Variants in AGAP3 observed in about 807,000 individuals in gnomAD.
The protein encoded by AGAP3 is arf-GAP with GTPase, ANK repeat and PH domain-containing protein 3.
Under a neutral mutation model 96.9 loss-of-function variants are expected in AGAP3, and 24 were observed. The observed-to-expected ratio is 0.25, with a 90% CI of 0.18 to 0.35. AGAP3 has a LOEUF of 0.35. Ranked by LOEUF, AGAP3 falls within the 10% of genes least tolerant of loss-of-function variation. AGAP3 has a pLI of 1.00. For missense variants in AGAP3, 876 were observed against 1,254.2 expected, an observed-to-expected ratio of 0.70 and a Z score of 4.55; for synonymous variants, 563 against 536.1, an observed-to-expected ratio of 1.05 and a Z score of -0.69.
intron 1 of AGAP3, among the ~76,000 whole-genome samples, chr7:151,107,744 G>A (rs537984348): frequency 1.3e-5 from 2 of 152,354 alleles, no homozygotes; most frequent in Non-Finnish European, 2.9e-5. Flanking sequence ...GGTTGGAAGA[G>A]GCAGAACTCT....
chr7:151,099,935 C>T (rs142675315), intron 1 of AGAP3, among the ~76,000 whole-genome samples: 4 of 152,326 alleles, frequency 2.6e-5, no homozygotes, highest in East Asian at 1.9e-4. Flanking sequence ...CCTGTCTCTC[C>T]GCCCACTTCC....
At chr7:151,125,036 C>T (rs920062703) in intron 9 of AGAP3, among the ~76,000 whole-genome samples, 7 of 152,194 alleles carry the variant, frequency 4.6e-5, no homozygotes, top group Admixed American at 2.6e-4. Context: ...TCGCGGAGTG[C>T]GTGTGTATGT....
rs1169091550 is a variant in AGAP3 at position 151,096,093 on chromosome 7, C to T, written c.331+9021C>T. On this transcript the variant is annotated intron_variant, in intron 1 of 17. Coordinates refer to ENST00000397238, the MANE Select transcript of AGAP3 (RefSeq NM_031946.7). The surrounding 1 kb of genome is among the most constrained non-coding windows in gnomAD (Gnocchi z 4.4). ...CATGGTGTGGGCGTGAGAAGCAAATCAGTTAACGTCTGCAGAGCTTTTAGA... is the reference window on the plus strand; with the variant it reads ...CATGGTGTGGGCGTGAGAAGCAAATTAGTTAACGTCTGCAGAGCTTTTAGA... Among the ~76,000 whole-genome samples the T allele has an allele frequency of 6.6e-6, 1 of 152,230 alleles. No homozygotes were observed. The highest frequency in any genetic ancestry group is 1.5e-5 in the Non-Finnish European group (1 of 68,054).
At chr7:151,107,443 G>A (rs1799103085) in intron 1 of AGAP3, among the ~76,000 whole-genome samples, 1 of 152,054 alleles carries the variant, frequency 6.6e-6, no homozygotes, top group African/African-American at 2.4e-5. Flanking sequence ...TGGGCAACAT[G>A]GTGAAAGCGG....
chr7:151,138,098 C>T (rs1295866874), intron 11 of AGAP3, 45 bp from the exon 12 acceptor site: 6 of 1,425,374 alleles, frequency 4.2e-6, no homozygotes, highest in East Asian at 2.5e-5. Flanking sequence ...TGAGAATCCT[C>T]CCCTGCCCGG....
At chr7:151,088,234 C>T (rs6464126) in intron 1 of AGAP3, among the ~76,000 whole-genome samples, 61,509 of 152,116 alleles carry the variant, frequency 0.4, 13,628 homozygotes, top group East Asian at 0.58. Flanking sequence ...GGAAGAAGTA[C>T]TGGGTCTGGG....
rs889245871 is a variant in AGAP3 at position 151,114,111 on chromosome 7, T to A, written c.332-2682T>A. ...ACAGATGAGTATCTTCTGGATTTTA[T>A]AATCTCCAAAGAAGACAGCCTCAGT... On this transcript the variant is annotated intron_variant, in intron 1 of 17. Transcript: ENST00000397238. The surrounding 1 kb of genome is among the most constrained non-coding windows in gnomAD (Gnocchi z 4.4). 6.6e-6 allele frequency among the ~76,000 whole-genome samples: 1 copy of A among 152,216 alleles called. No individual in the cohort carries two copies. The highest frequency in any genetic ancestry group is 1.5e-5 in the Non-Finnish European group (1 of 68,044).
intron 8 of AGAP3, chr7:151,122,764 C>T: frequency 6.2e-7 from 1 of 1,613,902 alleles, no homozygotes; most frequent in Non-Finnish European, 8.5e-7. Context: ...AACAAAAAGG[C>T]CTTTCCAACT....
Position 151,140,951 on chromosome 7 carries a change from C to T in AGAP3, c.1804+835C>T, listed in dbSNP as rs79090380. On this transcript the variant is annotated intron_variant, in intron 13 of 17. Transcript: ENST00000397238. This position sits in a 1 kb window ranked among gnomAD's most constrained non-coding sequence, Gnocchi z 5.4. ...GTGGGAAGGCAGTTCTGCTAACAGTCCCTGAGAGCAAGGGCCCAGCAGAGG... is the reference window on the plus strand; with the variant it reads ...GTGGGAAGGCAGTTCTGCTAACAGTTCCTGAGAGCAAGGGCCCAGCAGAGG... 0.015 allele frequency: 2,342 copies of T among 152,330 alleles called. 69 individuals are homozygous for T. The highest frequency in any genetic ancestry group is 0.054 in the African/African-American group (2,235 of 41,518). 9.4% of individuals were successfully genotyped at this position (152,330 alleles called of 1,614,324 possible). A position where few individuals can be genotyped will look rare whatever the true frequency, so the allele number is the denominator to read the frequency against.
Position 151,117,465 on chromosome 7 carries a change from C to G in AGAP3, c.564+9C>G, listed in dbSNP as rs1563473585. ...GCCCCCCTGAGCTCCAGGTGATGCT[C>G]CTGCCCAGGGTTAGGGCCCACCGCT... is the stretch of plus-strand genomic sequence containing the variant. On this transcript the variant is annotated intron_variant, in intron 4 of 17. Coordinates refer to ENST00000397238, the MANE Select transcript of AGAP3 (RefSeq NM_031946.7). 2 of 1,614,132 alleles carry G rather than the reference C, an allele frequency of 1.2e-6. No homozygotes were observed. Among genetic ancestry groups the G allele is most frequent in the Non-Finnish European group, 1.7e-6 (2 of 1,179,976 alleles).
chr7:151,098,830 T>G (rs1247540002), intron 1 of AGAP3, among the ~76,000 whole-genome samples: 1 of 149,804 alleles, frequency 6.7e-6, no homozygotes, highest in Admixed American at 6.6e-5. Flanking sequence ...ACCTCCTTGG[T>G]TCAATCAATT....
intron 1 of AGAP3, among the ~76,000 whole-genome samples, chr7:151,110,364 G>A (rs543581095): frequency 3.2e-4 from 48 of 152,342 alleles, no homozygotes; most frequent in Non-Finnish European, 6.3e-4. Flanking sequence ...AGCCTCCCAA[G>A]GAAGGGATGC....
rs368600470 is a variant in AGAP3 at position 151,116,833 on chromosome 7, C to G, written c.372C>G (p.Ser124=). The change falls in exon 2 of 18, where the codon TCC becomes TCG. Residue 124 remains serine (S), a synonymous_variant. Coordinates refer to ENST00000397238, the MANE Select transcript of AGAP3 (RefSeq NM_031946.7). ...VNSQEWTLSR[S]VPELKVGIVG... is the part of the protein sequence containing the mutation. ...GCCAGGAGTGGACGCTGAGCCGCTC[C>G]GTACCGGAGCTTAAAGTGGTGAGTG... 2 of 1,614,078 alleles carry G rather than the reference C, an allele frequency of 1.2e-6. No individual in the cohort carries two copies. The highest frequency in any genetic ancestry group is 1.7e-6 in the Non-Finnish European group (2 of 1,180,004).
Position 151,144,044 on chromosome 7 carries a change from A to T in AGAP3, c.*101A>T. On this transcript the variant is annotated 3_prime_UTR_variant, in exon 18 of 18. Coordinates refer to ENST00000397238, the MANE Select transcript of AGAP3 (RefSeq NM_031946.7). ...CAGACACAGAGATGGAGAAGCAGGGACATGCTGAGAGGACGAAGCCAAGGA... is the reference window on the plus strand; with the variant it reads ...CAGACACAGAGATGGAGAAGCAGGGTCATGCTGAGAGGACGAAGCCAAGGA... 1 of 1,290,142 alleles carries T rather than the reference A, an allele frequency of 7.8e-7. No individual in the cohort carries two copies. The highest frequency in any genetic ancestry group is 1.1e-6 in the Non-Finnish European group (1 of 930,364). 79.9% of individuals were successfully genotyped at this position (1,290,142 alleles called of 1,614,324 possible).
At position 151,133,555 on chromosome 7, in the gene AGAP3, G is replaced by C. The variant is rs1447709935; in HGVS notation, c.1327-845G>C. 6.6e-6 allele frequency among the ~76,000 whole-genome samples: 1 copy of C among 152,174 alleles called. No homozygotes were observed. On this transcript the variant is annotated intron_variant, in intron 10 of 17. Coordinates refer to ENST00000397238, the MANE Select transcript of AGAP3 (RefSeq NM_031946.7). This position sits in a 1 kb window ranked among gnomAD's most constrained non-coding sequence, Gnocchi z 5.4. ...TGAGTCCCGGGCCCAGGACAGGCTGGAGGAAGCCTGCACACAGGGCACAGG... is the reference window on the plus strand; with the variant it reads ...TGAGTCCCGGGCCCAGGACAGGCTGCAGGAAGCCTGCACACAGGGCACAGG...
intron 1 of AGAP3, among the ~76,000 whole-genome samples, chr7:151,091,434 T>C (rs1798395487): frequency 6.6e-6 from 1 of 152,228 alleles, no homozygotes; most frequent in Admixed American, 6.5e-5. Flanking sequence ...GATACATTCA[T>C]TTAGCTCCTA....
intron 1 of AGAP3, among the ~76,000 whole-genome samples, chr7:151,103,258 A>G (rs553779992): frequency 2.6e-5 from 4 of 152,350 alleles, no homozygotes; most frequent in Admixed American, 2.6e-4. Context: ...CAAATCGTGG[A>G]GACAGGACCT....
intron 9 of AGAP3, among the ~76,000 whole-genome samples, chr7:151,126,323 C>T (rs1447499202): frequency 6.6e-6 from 1 of 151,378 alleles, no homozygotes; most frequent in East Asian, 2.0e-4. Flanking sequence ...TGAGGGGCTC[C>T]ACCTTCCAGG....
rs1800046939 is a variant in AGAP3 at position 151,124,001 on chromosome 7, C to T, written c.1221+115C>T. On this transcript the variant is annotated intron_variant, in intron 9 of 17. Coordinates refer to ENST00000397238, the MANE Select transcript of AGAP3 (RefSeq NM_031946.7). ...TGGGGGAGATGGCATCAGAGGCCAG[C>T]ACCACCCTCCTAGGCGGAGTCCTTA... 5 of 1,052,946 alleles carry T rather than the reference C, an allele frequency of 4.7e-6. No individual in the cohort carries two copies. The Admixed American group carries it at 8.6e-5, about 18-fold the overall frequency. 65.2% of individuals were successfully genotyped at this position (1,052,946 alleles called of 1,614,324 possible).
Sources: gnomAD v4.1 joint callset for allele counts (sites outside exome capture counted in the v4.1 genomes callset) on GRCh38, gnomAD v4.1.1 for gene constraint, Gnocchi (gnomAD v3.1) non-coding constraint, MANE v1.5 for transcripts, NCBI Gene and HGNC (gene_info 2026-07-23, HGNC 2026-07-21) for gene names.